Variants in CSMD1 observed in about 807,000 individuals in gnomAD.
CSMD1 encodes CUB and sushi domain-containing protein 1.
A neutral mutation model predicts 417.5 loss-of-function variants in CSMD1; 213 were observed. The ratio of observed to expected loss-of-function variants is 0.51; its 90% CI spans 0.46 to 0.57. The LOEUF (loss-of-function observed/expected upper bound fraction) is 0.57, where lower values mean the gene tolerates loss of function less well. Among genes scored for constraint, CSMD1 ranks in the 20% least tolerant of loss-of-function variants. CSMD1 has a pLI of 0.00. For synonymous variants in CSMD1, 2,862 were observed against 1,736.8 expected, an observed-to-expected ratio of 1.65 and a Z score of -16.11; for missense variants, 6,923 against 4,529.7, an observed-to-expected ratio of 1.53 and a Z score of -15.17.
chr8:3,792,178 C>G (rs1468485850), intron 5 of CSMD1, among the ~76,000 whole-genome samples: 2 of 152,030 alleles, frequency 1.3e-5, no homozygotes, highest in Non-Finnish European at 2.9e-5. Flanking sequence ...CGTGTAGTCC[C>G]AGCTACAGGG....
intron 2 of CSMD1, among the ~76,000 whole-genome samples, chr8:4,566,044 A>C (rs1446907993): frequency 6.6e-6 from 1 of 151,988 alleles, no homozygotes; most frequent in African/African-American, 2.4e-5. Flanking sequence ...ACCTCTTATA[A>C]GGTATTTTGC....
chr8:4,327,049 T>A lies in CSMD1; in HGVS notation c.415+92904A>T, dbSNP rs1799600449. On this transcript the variant is annotated intron_variant, in intron 3 of 69. Coordinates refer to ENST00000635120, the MANE Select transcript of CSMD1 (RefSeq NM_033225.6). ...GAAGGTCAGTGGTATGGATTCCAAC[T>A]CAGAAGACGACTTCAAATAAGAGAT... Among the ~76,000 whole-genome samples the A allele has an allele frequency of 2.6e-5, 4 of 152,164 alleles. No homozygotes were observed. The South Asian group carries it at 8.3e-4, about 32-fold the overall frequency.
chr8:3,593,245 AC>A, intron 8 of CSMD1, among the ~76,000 whole-genome samples: 1 of 151,992 alleles, frequency 6.6e-6, no homozygotes, highest in South Asian at 2.1e-4. Flanking sequence ...ACAAGACAGA[AC>A]CCCCGCGTTG....
At position 3,446,846 on chromosome 8, in the gene CSMD1, G is replaced by C. The variant is rs144270415; in HGVS notation, c.1561+21866C>G. On this transcript the variant is annotated intron_variant, in intron 12 of 69. Transcript: ENST00000635120. ...CTCAAGTTATTATTTTTGACTTCTA[G>C]CTGGTTTCATTAGCATTTCTTTTTC... is the stretch of plus-strand genomic sequence containing the variant. 8.3e-3 allele frequency among the ~76,000 whole-genome samples: 1,269 copies of C among 152,288 alleles called. 6 individuals carry two copies. The highest frequency in any genetic ancestry group is 0.014 in the Middle Eastern group (4 of 294).
intron 3 of CSMD1, among the ~76,000 whole-genome samples, chr8:4,414,524 C>T (rs1322763344): frequency 6.6e-6 from 1 of 152,128 alleles, no homozygotes; most frequent in Admixed American, 6.5e-5. Flanking sequence ...TCTGCTTATG[C>T]ATAGTTTATA....
At chr8:4,191,074 C>T (rs1355113327) in intron 3 of CSMD1, among the ~76,000 whole-genome samples, 5 of 148,626 alleles carry the variant, frequency 3.4e-5, no homozygotes, top group Admixed American at 2.0e-4. Flanking sequence ...CTAAGATACA[C>T]ATGGATTAAA....
intron 3 of CSMD1, among the ~76,000 whole-genome samples, chr8:4,041,087 G>C (rs1371848032): frequency 1.1e-4 from 16 of 145,476 alleles, no homozygotes; most frequent in Admixed American, 3.5e-4. Flanking sequence ...CGCGATCTCG[G>C]CTCACTGCAA....
At chr8:4,219,339 T>G (rs987462766) in intron 3 of CSMD1, among the ~76,000 whole-genome samples, 1 of 152,206 alleles carries the variant, frequency 6.6e-6, no homozygotes, top group South Asian at 2.1e-4. Context: ...TTTCGTAACT[T>G]GAGCTGGAAT....
intron 2 of CSMD1, among the ~76,000 whole-genome samples, chr8:4,587,940 G>A (rs890856803): frequency 2.0e-5 from 3 of 152,222 alleles, no homozygotes; most frequent in Admixed American, 1.3e-4. Flanking sequence ...GATAGAAGGA[G>A]ATTGTGTGTA....
intron 2 of CSMD1, among the ~76,000 whole-genome samples, chr8:4,621,784 A>T (rs1461372925): frequency 1.3e-5 from 2 of 152,160 alleles, no homozygotes; most frequent in Non-Finnish European, 2.9e-5. Context: ...TAAATGAACT[A>T]CTGTAAGTCA....
chr8:3,223,194 G>A (rs564596840), intron 28 of CSMD1, among the ~76,000 whole-genome samples: 3 of 152,172 alleles, frequency 2.0e-5, no homozygotes, highest in Admixed American at 2.0e-4. Context: ...ACCTTCCATC[G>A]TCTAGTTTAG....
intron 7 of CSMD1, among the ~76,000 whole-genome samples, chr8:3,686,203 T>C (rs989084220): frequency 6.6e-6 from 1 of 152,150 alleles, no homozygotes; most frequent in Non-Finnish European, 1.5e-5. Flanking sequence ...TCTGTGAAGT[T>C]AGAGTGTGGG....
chr8:3,984,589 T>G (rs1231022751), intron 5 of CSMD1, among the ~76,000 whole-genome samples: 2 of 151,146 alleles, frequency 1.3e-5, no homozygotes, highest in Non-Finnish European at 2.9e-5. Context: ...ATATTTGGAT[T>G]CTTCAAGTAA....
intron 1 of CSMD1, among the ~76,000 whole-genome samples, chr8:4,856,262 G>A: frequency 7.1e-6 from 1 of 140,802 alleles, no homozygotes; most frequent in Non-Finnish European, 1.5e-5. Flanking sequence ...GCTCCTGAAG[G>A]AAGCACTAAA....
chr8:3,571,314 C>G (rs1216652957), intron 10 of CSMD1, among the ~76,000 whole-genome samples: 1 of 152,164 alleles, frequency 6.6e-6, no homozygotes, highest in Non-Finnish European at 1.5e-5. Context: ...ACAGTAGGCA[C>G]CTTGCTATCT....
At chr8:4,020,113 G>C (rs1796716092) in intron 4 of CSMD1, among the ~76,000 whole-genome samples, 1 of 152,076 alleles carries the variant, frequency 6.6e-6, no homozygotes, top group African/African-American at 2.4e-5. Flanking sequence ...TTCTCTATGT[G>C]TCAGGCTCTT....
intron 5 of CSMD1, among the ~76,000 whole-genome samples, chr8:3,756,508 AG>A (rs1337270763): frequency 1.3e-5 from 2 of 152,218 alleles, no homozygotes; most frequent in East Asian, 1.9e-4. Context: ...CACAGAAGCA[AG>A]CCTACCTTTT....
intron 1 of CSMD1, among the ~76,000 whole-genome samples, chr8:4,637,774 C>T (rs910831477): frequency 2.7e-5 from 4 of 148,442 alleles, no homozygotes; most frequent in Non-Finnish European, 4.4e-5. Flanking sequence ...GGGTTCACGC[C>T]ATTCTCCTGC....
intron 5 of CSMD1, among the ~76,000 whole-genome samples, chr8:3,944,704 G>C (rs1323220601): frequency 6.6e-6 from 1 of 152,036 alleles, no homozygotes; most frequent in Non-Finnish European, 1.5e-5. Flanking sequence ...AATGCCTCAG[G>C]ACATTTGTCT....
Sources: allele counts gnomAD v4.1 joint callset (sites outside exome capture counted in the v4.1 genomes callset), GRCh38; gene constraint gnomAD v4.1.1; transcripts MANE v1.5; gene names NCBI Gene and HGNC (gene_info 2026-07-23, HGNC 2026-07-21).